PCDHA5: variants seen among roughly 807,000 people sequenced by gnomAD.
PCDHA5 encodes protocadherin alpha 5.
In PCDHA5, 43 loss-of-function variants were observed where a neutral mutation model predicts 61.6. That is an observed-to-expected ratio of 0.70 (90% confidence interval 0.55 to 0.90). The LOEUF is 0.90. Ranked by LOEUF, PCDHA5 falls within the 40% of genes least tolerant of loss-of-function variation. PCDHA5 has a pLI of 0.00. For synonymous variants in PCDHA5, 627 were observed against 543.9 expected, an observed-to-expected ratio of 1.15 and a Z score of -2.13; for missense variants, 1,298 against 1,222.7, an observed-to-expected ratio of 1.06 and a Z score of -0.92.
chr5:140,843,320 G>GGAC, intron 1 of PCDHA5: 1 of 1,596,056 alleles, frequency 6.3e-7, no homozygotes, highest in Non-Finnish European at 8.6e-7. Context: ...CACGGTTCTG[G>GGAC]TGTCGCTGGT....
At chr5:140,946,948 T>C (rs1315606645) in intron 1 of PCDHA5, among the ~76,000 whole-genome samples, 2 of 151,534 alleles carry the variant, frequency 1.3e-5, no homozygotes, top group African/African-American at 4.8e-5. Context: ...TTAAGAATAA[T>C]GTATATTTCA....
chr5:140,924,096 T>C (rs1044149112), intron 1 of PCDHA5, among the ~76,000 whole-genome samples: 1 of 152,222 alleles, frequency 6.6e-6, no homozygotes, highest in Non-Finnish European at 1.5e-5. Context: ...AAAGAATAAA[T>C]TTTCATTCCA....
At chr5:140,851,863 T>C in intron 1 of PCDHA5, 1 of 976,024 alleles carries the variant, frequency 1.0e-6, no homozygotes, top group Non-Finnish European at 1.2e-6. Flanking sequence ...AGCTCATACA[T>C]AACACAAGGC....
chr5:140,850,804 T>G (rs2150498986), intron 1 of PCDHA5: 1 of 1,598,410 alleles, frequency 6.3e-7, no homozygotes, highest in Admixed American at 1.7e-5. Flanking sequence ...ACCGACCTCA[T>G]GGCCTTCAGC....
intron 1 of PCDHA5, chr5:140,883,444 T>C: frequency 3.1e-6 from 5 of 1,614,170 alleles, no homozygotes; most frequent in Non-Finnish European, 4.2e-6. Context: ...TGACGCCGCA[T>C]GTCCCCTTCA....
At chr5:140,884,128 C>A (rs1554181251) in intron 1 of PCDHA5, 1 of 1,613,308 alleles carries the variant, frequency 6.2e-7, no homozygotes, top group Non-Finnish European at 8.5e-7. Flanking sequence ...GCGCGCGCAT[C>A]CCGTTCCGCG....
chr5:140,857,805 C>G, intron 1 of PCDHA5: 2 of 1,597,714 alleles, frequency 1.3e-6, no homozygotes, highest in Non-Finnish European at 1.7e-6. Flanking sequence ...TCGGTGGTTG[C>G]GGGTCACGTG....
chr5:140,856,872 A>G (rs1554149238), intron 1 of PCDHA5: 1 of 1,596,142 alleles, frequency 6.3e-7, no homozygotes, highest in South Asian at 1.1e-5. Flanking sequence ...ATAAACAAGG[A>G]AATGATGTAT....
chr5:141,010,058 C>T lies in PCDHA5; in HGVS notation c.*121C>T. On this transcript the variant is annotated 3_prime_UTR_variant, in exon 4 of 4. Transcript: ENST00000529859. Reference sequence around the variant, plus strand: ...GAGCCCTCTTAGAGACCTCAGAAATCTGCAGAAAGTTCCCTGTGTCTGTCT... The same window carrying T: ...GAGCCCTCTTAGAGACCTCAGAAATTTGCAGAAAGTTCCCTGTGTCTGTCT... 6.2e-7 allele frequency: 1 copy of T among 1,601,100 alleles called. No homozygotes were observed. Among genetic ancestry groups the T allele is most frequent in the Non-Finnish European group, 8.5e-7 (1 of 1,173,728 alleles).
At chr5:140,910,428 G>A (rs2075029085) in intron 1 of PCDHA5, among the ~76,000 whole-genome samples, 1 of 152,130 alleles carries the variant, frequency 6.6e-6, no homozygotes, top group Admixed American at 6.5e-5. Flanking sequence ...TATTCCCATT[G>A]CATTTAAGTT....
intron 1 of PCDHA5, chr5:140,863,004 GC>G (rs781788283): frequency 1.8e-6 from 1 of 551,012 alleles, no homozygotes; most frequent in Non-Finnish European, 3.6e-6. Context: ...GTGGACTCCA[GC>G]TATGACGCCT....
chr5:140,950,015 T>C (rs2094440217), intron 1 of PCDHA5, among the ~76,000 whole-genome samples: 1 of 151,906 alleles, frequency 6.6e-6, no homozygotes, highest in Admixed American at 6.6e-5. Context: ...TGTACAACCT[T>C]CATAAAATAT....
At chr5:140,928,096 C>T (rs145229632) in intron 1 of PCDHA5, 1 of 1,614,170 alleles carries the variant, frequency 6.2e-7, no homozygotes, top group Non-Finnish European at 8.5e-7. Context: ...GATTGATGGG[C>T]CCCTGGACCG....
intron 1 of PCDHA5, among the ~76,000 whole-genome samples, chr5:140,826,832 G>C (rs2150145487): frequency 6.6e-6 from 1 of 152,082 alleles, no homozygotes; most frequent in South Asian, 2.1e-4. Context: ...GTTACTAGAA[G>C]TTTCTCAAGT....
At chr5:140,902,530 G>C (rs569387885) in intron 1 of PCDHA5, among the ~76,000 whole-genome samples, 1 of 152,026 alleles carries the variant, frequency 6.6e-6, no homozygotes, top group African/African-American at 2.4e-5. Flanking sequence ...TTATTATGTT[G>C]AGGTATGTTC....
chr5:140,953,553 C>T (rs1364050066), intron 1 of PCDHA5, among the ~76,000 whole-genome samples: 1 of 152,060 alleles, frequency 6.6e-6, no homozygotes, highest in East Asian at 1.9e-4. Flanking sequence ...TTCTTTTCTC[C>T]AAGTTTTAGT....
intron 1 of PCDHA5, among the ~76,000 whole-genome samples, chr5:140,845,780 T>C (rs1273116464): frequency 6.7e-6 from 1 of 149,642 alleles, no homozygotes; most frequent in Non-Finnish European, 1.5e-5. Context: ...TATAAATTAT[T>C]AATAATAAAC....
rs2150122177 is a variant in PCDHA5, at chr5:140,823,092, C to T, written c.1317C>T (p.Ser439=). Residue 439 remains serine, a synonymous_variant, in exon 1 of 4, where the codon AGC becomes AGT. Transcript: ENST00000529859. The stretch of plus-strand genomic sequence containing the variant: ...CGCCTTCGCTGTGGGCCACCGCCAG[C>T]GTGTCTGTGGAAGTGGCCGACGTGA... ...GGSPSLWATA[S]VSVEVADVND... 5 of 1,614,024 alleles carry T rather than the reference C, an allele frequency of 3.1e-6. No homozygotes were observed. The highest frequency in any genetic ancestry group is 2.2e-5 in the East Asian group (1 of 44,882).
At chr5:140,952,476 G>A (rs1231361903) in intron 1 of PCDHA5, among the ~76,000 whole-genome samples, 1 of 152,148 alleles carries the variant, frequency 6.6e-6, no homozygotes, top group East Asian at 1.9e-4. Context: ...TAAGGAAAGT[G>A]ACATTTGCTC....
Sources: gnomAD v4.1 joint callset for allele counts (sites outside exome capture counted in the v4.1 genomes callset) on GRCh38, gnomAD v4.1.1 for gene constraint, MANE v1.5 for transcripts, NCBI Gene and HGNC (gene_info 2026-07-23, HGNC 2026-07-21) for gene names.